Variants in SUZ12 observed in about 807,000 individuals in gnomAD.
SUZ12 encodes polycomb protein SUZ12.
Under a neutral mutation model 87.3 loss-of-function variants are expected in SUZ12, and 17 were observed. That is an observed-to-expected ratio of 0.19 (90% CI 0.13 to 0.29). The LOEUF is 0.29. Ranked by LOEUF, SUZ12 falls within the 10% of genes least tolerant of loss-of-function variation. The pLI is 1.00. For synonymous variants in SUZ12, 253 were observed against 312.4 expected (o/e 0.81, Z 2.01); for missense variants, 526 against 912.2 (o/e 0.58, Z 5.45).
intron 9 of SUZ12, among the ~76,000 whole-genome samples, chr17:31,984,929 G>A (rs1909322922): frequency 6.6e-6 from 1 of 152,186 alleles, no homozygotes; most frequent in Admixed American, 6.5e-5. Context: ...GCCAAGGCGG[G>A]TGGATCACCT....
At chr17:31,994,259 G>A (rs1909860461) in intron 12 of SUZ12, 1 of 453,716 alleles carries the variant, frequency 2.2e-6, no homozygotes, top group Admixed American at 3.9e-5. Context: ...TATAATTAAT[G>A]TTTGTGTAGT....
chr17:31,963,659 ATTACAGGCGCCTG>A (rs1329894676), intron 4 of SUZ12: 2 of 152,160 alleles, frequency 1.3e-5, no homozygotes, highest in Non-Finnish European at 2.9e-5. Flanking sequence ...AGTAGCTGGG[ATTACAGGCGCCTG>A]CCACCACGCC....
intron 4 of SUZ12, among the ~76,000 whole-genome samples, chr17:31,949,675 C>A (rs1345270011): frequency 1.2e-4 from 3 of 24,408 alleles, no homozygotes; most frequent in African/African-American, 5.9e-4. Flanking sequence ...CCCCCCCCCC[C>A]CTTTTTTTTT....
intron 3 of SUZ12, among the ~76,000 whole-genome samples, chr17:31,944,928 C>T (rs1242010707): frequency 1.3e-5 from 2 of 151,824 alleles, no homozygotes; most frequent in African/African-American, 2.4e-5. Flanking sequence ...ATTAGCTGGG[C>T]GTGGTGGCTC....
At chr17:31,962,753 G>A (rs76300908) in intron 4 of SUZ12, among the ~76,000 whole-genome samples, 20,242 of 144,376 alleles carry the variant, frequency 0.14, no homozygotes, top group African/African-American at 0.28. Context: ...TCGTAGAACA[G>A]GAAATGAGAA....
intron 10 of SUZ12, among the ~76,000 whole-genome samples, chr17:31,989,888 C>T (rs1395744785): frequency 6.6e-6 from 1 of 151,316 alleles, no homozygotes; most frequent in Non-Finnish European, 1.5e-5. Context: ...GGATTACAGG[C>T]ACGAGCCACT....
At chr17:31,980,283 A>G (rs1183651389) in intron 8 of SUZ12, among the ~76,000 whole-genome samples, 1 of 151,964 alleles carries the variant, frequency 6.6e-6, no homozygotes, top group East Asian at 1.9e-4. Flanking sequence ...ATTAGTTTTA[A>G]TCTATTGATA....
intron 5 of SUZ12, among the ~76,000 whole-genome samples, chr17:31,972,307 ATATGTGTATATATATGTATG>A (rs1485216013): frequency 6.6e-6 from 1 of 151,188 alleles, no homozygotes; most frequent in Non-Finnish European, 1.5e-5. Flanking sequence ...GGAAATATAT[ATATGTGTATATATATGTATG>A]TATGTGTATA....
intron 8 of SUZ12, among the ~76,000 whole-genome samples, chr17:31,980,177 T>G (rs1471973398): frequency 2.0e-5 from 3 of 151,924 alleles, no homozygotes; most frequent in African/African-American, 7.2e-5. Context: ...AAAAAAAATT[T>G]TTTTAAAGTT....
At chr17:31,978,830 G>A (rs1275039028) in intron 8 of SUZ12, among the ~76,000 whole-genome samples, 2 of 152,010 alleles carry the variant, frequency 1.3e-5, no homozygotes, top group African/African-American at 4.8e-5. Flanking sequence ...ATATTCACCC[G>A]GGCATGGTGG....
At chr17:31,972,371 G>T (rs910639851) in intron 5 of SUZ12, among the ~76,000 whole-genome samples, 1 of 134,876 alleles carries the variant, frequency 7.4e-6, no homozygotes, top group Non-Finnish European at 1.5e-5. Context: ...GTATGTATGT[G>T]TGTTTGTGTG....
intron 9 of SUZ12, among the ~76,000 whole-genome samples, chr17:31,986,842 G>A (rs1307901996): frequency 1.3e-5 from 2 of 152,136 alleles, no homozygotes; most frequent in South Asian, 2.1e-4. Context: ...GTGCCATTGC[G>A]CCCGGTCCTC....
At chr17:31,985,765 C>T (rs1425413660) in intron 9 of SUZ12, among the ~76,000 whole-genome samples, 1 of 151,698 alleles carries the variant, frequency 6.6e-6, no homozygotes, top group East Asian at 1.9e-4. Context: ...CGGGTTCAAG[C>T]GATTCTCCAG....
chr17:31,947,851 T>G (rs1381286190), intron 4 of SUZ12, among the ~76,000 whole-genome samples, 166 bp downstream of exon 4: 29 of 152,126 alleles, frequency 1.9e-4, no homozygotes, highest in Non-Finnish European at 2.9e-5. Flanking sequence ...TCTGTAGCAT[T>G]CCTGGCAGAG....
At chr17:31,978,801 A>T (rs1330224952) in intron 8 of SUZ12, among the ~76,000 whole-genome samples, 2 of 152,178 alleles carry the variant, frequency 1.3e-5, no homozygotes, top group East Asian at 3.9e-4. Context: ...GAATTTCCCC[A>T]CAGCAGCTTA....
chr17:31,943,066 A>C (rs1227185718), intron 3 of SUZ12, among the ~76,000 whole-genome samples: 2 of 152,234 alleles, frequency 1.3e-5, no homozygotes, highest in Non-Finnish European at 2.9e-5. Flanking sequence ...TGTGAAAATT[A>C]TTTGTCTTTT....
chr17:31,979,930 G>A (rs1908998123), intron 8 of SUZ12, among the ~76,000 whole-genome samples: 1 of 151,728 alleles, frequency 6.6e-6, no homozygotes, highest in South Asian at 2.1e-4. Flanking sequence ...ACATTTATTT[G>A]CATTTTTATA....
Position 31,998,980 on chromosome 17 carries a change from CAG to C in SUZ12, c.2200_2201del (p.Ser734GlnfsTer22), listed in dbSNP as rs1910123895. On this transcript the variant is annotated frameshift_variant, in exon 16 of 16. Transcript: ENST00000322652. LOFTEE classifies it high-confidence loss of function. ...ETDSVSGVSK[Q>X]SKKQKL is the part of the protein sequence containing the mutation. ...AGATAGTGTCTCAGGGGTTTCAAAA[CAG>C]AGCAAAAAACAAAAACTCTGAAAAG... is the stretch of plus-strand genomic sequence containing the variant. The C allele has an allele frequency of 1.9e-6, 3 of 1,556,788 alleles. No homozygotes were observed. The highest frequency in any genetic ancestry group is 2.6e-6 in the Non-Finnish European group (3 of 1,158,480).
intron 15 of SUZ12, among the ~76,000 whole-genome samples, chr17:31,997,643 GC>G (rs1400524210): frequency 7.3e-6 from 1 of 137,356 alleles, no homozygotes; most frequent in Non-Finnish European, 1.5e-5. Flanking sequence ...TCCAGCCTGG[GC>G]AACAGAGTGA....
Sources: gnomAD v4.1 joint callset for allele counts (sites outside exome capture counted in the v4.1 genomes callset) on GRCh38, gnomAD v4.1.1 for gene constraint, MANE v1.5 for transcripts, NCBI Gene and HGNC (gene_info 2026-07-23, HGNC 2026-07-21) for gene names.